The following NELL1 variants were observed in gnomAD, a reference collection of about 807,000 sequenced individuals.
NELL1 encodes the protein neural EGFL like 1.
In NELL1, 76 loss-of-function variants were observed where a neutral mutation model predicts 107.4. The observed-to-expected ratio is 0.71, with a 90% CI of 0.59 to 0.86. The LOEUF (loss-of-function observed/expected upper bound fraction) is 0.86, where lower values mean the gene tolerates loss of function less well. NELL1 is among the 40% of genes least tolerant of loss of function. The probability of loss-of-function intolerance (pLI) is 0.00; values close to 1 mark genes in which losing one functional copy is unlikely to be tolerated. For synonymous variants in NELL1, 353 were observed against 341.2 expected (o/e 1.03, Z -0.38); for missense variants, 1,024 against 1,005.5 (o/e 1.02, Z -0.25).
chr11:21,550,949 G>A (rs1377695294), intron 16 of NELL1, among the ~76,000 whole-genome samples: 11 of 150,988 alleles, frequency 7.3e-5, no homozygotes, highest in African/African-American at 1.7e-4. Context: ...CCATTTTCAC[G>A]ATGTTGATTC....
intron 14 of NELL1, among the ~76,000 whole-genome samples, chr11:21,317,296 T>C (rs945617239): frequency 2.0e-5 from 3 of 151,948 alleles, no homozygotes; most frequent in African/African-American, 7.2e-5. Context: ...TTCTAGGGTT[T>C]ATTTCTCCTT....
intron 14 of NELL1, among the ~76,000 whole-genome samples, chr11:21,341,610 G>A (rs1850567433): frequency 6.6e-6 from 1 of 152,164 alleles, no homozygotes; most frequent in African/African-American, 2.4e-5. Flanking sequence ...CCAGCTAAGA[G>A]CGCATGGCCA....
chr11:21,325,424 C>G (rs1341302639), intron 14 of NELL1, among the ~76,000 whole-genome samples: 1 of 152,056 alleles, frequency 6.6e-6, no homozygotes, highest in Non-Finnish European at 1.5e-5. Flanking sequence ...TAAGGCTACA[C>G]CAATTTAGTT....
intron 15 of NELL1, among the ~76,000 whole-genome samples, chr11:21,463,293 A>G (rs927773056): frequency 6.6e-6 from 1 of 152,008 alleles, no homozygotes; most frequent in Non-Finnish European, 1.5e-5. Context: ...GTGTTTGGAG[A>G]GTTGGCCATC....
At chr11:20,810,674 A>G (rs1199916688) in intron 3 of NELL1, among the ~76,000 whole-genome samples, 2 of 152,150 alleles carry the variant, frequency 1.3e-5, no homozygotes, top group African/African-American at 4.8e-5. Flanking sequence ...GCTGCTATAA[A>G]CATGCATGTG....
At chr11:21,362,101 T>G (rs1851089101) in intron 14 of NELL1, among the ~76,000 whole-genome samples, 1 of 152,236 alleles carries the variant, frequency 6.6e-6, no homozygotes, top group South Asian at 2.1e-4. Flanking sequence ...TTTCTTTTTT[T>G]GTTTTTTCAT....
intron 15 of NELL1, among the ~76,000 whole-genome samples, chr11:21,467,548 A>C (rs747845591): frequency 6.6e-6 from 1 of 152,076 alleles, no homozygotes; most frequent in Non-Finnish European, 1.5e-5. Flanking sequence ...TAAACTTGCC[A>C]AGGGTAAGAA....
In NELL1 at chr11:21,297,372, A is replaced by G. The variant is rs143945421; in HGVS notation, c.1549+67918A>G. 2.2e-3 allele frequency among the ~76,000 whole-genome samples: 340 copies of G among 152,136 alleles called. 1 individual carries two copies. Among genetic ancestry groups the G allele is most frequent in the African/African-American group, 7.8e-3 (325 of 41,544 alleles). ...GATATTTTAAATTTATAAAACATGTAATTTCTGTTGAAGGTGTACAGTGTC... is the reference window on the plus strand; with the variant it reads ...GATATTTTAAATTTATAAAACATGTGATTTCTGTTGAAGGTGTACAGTGTC... On this transcript the variant is annotated intron_variant, in intron 14 of 19. Coordinates refer to ENST00000357134, the MANE Select transcript of NELL1 (RefSeq NM_006157.5).
chr11:21,533,139 C>T (rs569740584), intron 15 of NELL1, among the ~76,000 whole-genome samples: 1 of 152,180 alleles, frequency 6.6e-6, no homozygotes, highest in East Asian at 1.9e-4. Flanking sequence ...AGAAGGTGAC[C>T]ATTGAGTTGG....
chr11:21,508,235 A>G (rs553209990), intron 15 of NELL1, among the ~76,000 whole-genome samples: 203 of 152,332 alleles, frequency 1.3e-3, no homozygotes, highest in African/African-American at 4.8e-3. Flanking sequence ...AATAAAATAA[A>G]TAATGTATGT....
chr11:21,206,672 G>T (rs1032570665), intron 13 of NELL1, among the ~76,000 whole-genome samples: 6 of 152,128 alleles, frequency 3.9e-5, no homozygotes, highest in African/African-American at 1.4e-4. Context: ...CACAACCACT[G>T]ATGAAGGGGG....
intron 12 of NELL1, among the ~76,000 whole-genome samples, chr11:21,065,870 C>T (rs1271620512): frequency 6.6e-6 from 1 of 152,086 alleles, no homozygotes; most frequent in Admixed American, 6.6e-5. Flanking sequence ...TTTTAAAGAT[C>T]GAGTTATTTT....
At chr11:21,142,352 C>T (rs1855887294) in intron 13 of NELL1, among the ~76,000 whole-genome samples, 1 of 152,208 alleles carries the variant, frequency 6.6e-6, no homozygotes. Flanking sequence ...GGCATGCCTT[C>T]CTGTTGTTCT....
At chr11:21,158,472 C>A (rs1302786364) in intron 13 of NELL1, among the ~76,000 whole-genome samples, 2 of 152,166 alleles carry the variant, frequency 1.3e-5, no homozygotes, top group Non-Finnish European at 2.9e-5. Context: ...TTGTATATGA[C>A]AGTGTTATCT....
At chr11:20,789,381 G>A (rs1857031287) in intron 3 of NELL1, among the ~76,000 whole-genome samples, 1 of 152,206 alleles carries the variant, frequency 6.6e-6, no homozygotes, top group African/African-American at 2.4e-5. Context: ...GGTTGTGGCT[G>A]GACCAGGTAC....
chr11:21,244,026 C>A (rs1858429349), intron 14 of NELL1, among the ~76,000 whole-genome samples: 1 of 152,014 alleles, frequency 6.6e-6, no homozygotes, highest in Non-Finnish European at 1.5e-5. Flanking sequence ...AGACAGGTAG[C>A]TGGAATCCAT....
At chr11:21,152,840 A>C (rs1158371981) in intron 13 of NELL1, among the ~76,000 whole-genome samples, 1 of 152,150 alleles carries the variant, frequency 6.6e-6, no homozygotes, top group Non-Finnish European at 1.5e-5. Context: ...AGCTATTTCC[A>C]GAGGCTTTTT....
intron 12 of NELL1, among the ~76,000 whole-genome samples, chr11:21,047,031 T>C (rs1037054927): frequency 5.9e-5 from 9 of 152,070 alleles, no homozygotes; most frequent in Non-Finnish European, 1.3e-4. Context: ...TACTCTAGAT[T>C]TGTTAAAAGC....
At chr11:21,458,909 A>T (rs1011301163) in intron 15 of NELL1, among the ~76,000 whole-genome samples, 1 of 139,840 alleles carries the variant, frequency 7.2e-6, no homozygotes, top group African/African-American at 2.5e-5. Flanking sequence ...CATCATTTTC[A>T]GGAACTCACA....
Sources: gnomAD v4.1 joint callset for allele counts (sites outside exome capture counted in the v4.1 genomes callset) on GRCh38, gnomAD v4.1.1 for gene constraint, MANE v1.5 for transcripts, NCBI Gene and HGNC (gene_info 2026-07-23, HGNC 2026-07-21) for gene names.